Variants in GRID2 observed in about 807,000 individuals in gnomAD.
GRID2 encodes the protein glutamate receptor ionotropic, delta-2.
Under a neutral mutation model 114.8 loss-of-function variants are expected in GRID2, and 33 were observed. The observed-to-expected ratio is 0.29, with a 90% CI of 0.22 to 0.38. The LOEUF is 0.38. Ranked by LOEUF, GRID2 falls within the 10% of genes least tolerant of loss-of-function variation. GRID2 has a pLI of 1.00. For synonymous variants in GRID2, 505 were observed against 449.9 expected, an observed-to-expected ratio of 1.12 and a Z score of -1.55; for missense variants, 1,184 against 1,257.7, an observed-to-expected ratio of 0.94 and a Z score of 0.89.
intron 1 of GRID2, among the ~76,000 whole-genome samples, chr4:92,440,374 G>A (rs1337639010): frequency 6.7e-6 from 1 of 148,950 alleles, no homozygotes; most frequent in African/African-American, 2.4e-5. Context: ...GACTGCGGTG[G>A]CCTTCTCAGA....
At chr4:93,668,392 C>T (rs1724125217) in intron 14 of GRID2, among the ~76,000 whole-genome samples, 1 of 151,688 alleles carries the variant, frequency 6.6e-6, no homozygotes, top group South Asian at 2.1e-4. Flanking sequence ...TGCATTCAGA[C>T]TGTTTGCCCT....
chr4:92,609,239 T>C (rs1194049307), intron 2 of GRID2, among the ~76,000 whole-genome samples: 1 of 151,714 alleles, frequency 6.6e-6, no homozygotes, highest in East Asian at 1.9e-4. Flanking sequence ...TATTTCAGTC[T>C]TGAGAGCCTT....
At chr4:93,447,119 A>G (rs1049339080) in intron 10 of GRID2, among the ~76,000 whole-genome samples, 1 of 151,918 alleles carries the variant, frequency 6.6e-6, no homozygotes, top group Non-Finnish European at 1.5e-5. Flanking sequence ...ACTCTCATAC[A>G]CTGTTCCTAG....
chr4:93,720,308 T>G (rs1355247165), intron 14 of GRID2, among the ~76,000 whole-genome samples: 1 of 152,200 alleles, frequency 6.6e-6, no homozygotes, highest in Non-Finnish European at 1.5e-5. Context: ...ACAATGATTA[T>G]GTAGCAACCA....
rs571375996 is a variant in GRID2, at chr4:92,859,388, A to G, written c.245-225607A>G. ...ATGTTTATATTCACTGGGAAACCAA[A>G]AAATTCATGTAATTCACTTTATTGT... On this transcript the variant is annotated intron_variant, in intron 2 of 15. Transcript: ENST00000282020. Among the ~76,000 whole-genome samples, 37 of 152,314 alleles carry G rather than the reference A, an allele frequency of 2.4e-4. 1 individual carries two copies. The highest frequency in any genetic ancestry group is 8.7e-4 in the African/African-American group (36 of 41,574).
intron 7 of GRID2, among the ~76,000 whole-genome samples, chr4:93,236,753 A>G (rs184754572): frequency 6.6e-5 from 10 of 152,172 alleles, no homozygotes; most frequent in African/African-American, 2.4e-4. Context: ...GTACTAATCA[A>G]TGAAATGTAA....
At chr4:93,386,818 C>T (rs1273809113) in intron 8 of GRID2, among the ~76,000 whole-genome samples, 1 of 152,154 alleles carries the variant, frequency 6.6e-6, no homozygotes, top group Non-Finnish European at 1.5e-5. Context: ...AGGGTACCCA[C>T]TCCTCCCAAC....
At position 93,287,791 on chromosome 4, in the gene GRID2, G is replaced by A. The variant is rs150612957; in HGVS notation, c.1245+49301G>A. 2.4e-3 allele frequency among the ~76,000 whole-genome samples: 365 copies of A among 152,226 alleles called. 10 individuals carry two copies. The East Asian group carries it at 0.046, about 19-fold the overall frequency. On this transcript the variant is annotated intron_variant, in intron 8 of 15. Transcript: ENST00000282020. ...TGTTCACTATATTCACTTGATAATT[G>A]TTCTGATACTGTATTGCCAATTCTG...
chr4:93,763,233 G>A (rs36108466), intron 14 of GRID2, among the ~76,000 whole-genome samples: 46,771 of 151,868 alleles, frequency 0.31, 7,741 homozygotes, highest in Middle Eastern at 0.44. Flanking sequence ...AAAGAGTAAG[G>A]GAAAAGAGAA....
At chr4:92,598,642 T>G (rs1729062832) in intron 2 of GRID2, among the ~76,000 whole-genome samples, 1 of 152,160 alleles carries the variant, frequency 6.6e-6, no homozygotes, top group African/African-American at 2.4e-5. Flanking sequence ...ACACACCTAC[T>G]ATTTCTGAGT....
At chr4:92,758,148 A>G (rs112218700) in intron 2 of GRID2, among the ~76,000 whole-genome samples, 44 of 152,088 alleles carry the variant, frequency 2.9e-4, no homozygotes, top group Non-Finnish European at 1.2e-4. Flanking sequence ...TATTGGAAAA[A>G]AGAGTCTGTT....
intron 8 of GRID2, among the ~76,000 whole-genome samples, chr4:93,239,908 C>T (rs915098720): frequency 7.3e-5 from 11 of 151,604 alleles, no homozygotes; most frequent in African/African-American, 1.9e-4. Context: ...CTCAAGAATG[C>T]GTATATCCTT....
chr4:92,600,050 A>G (rs1160356037), intron 2 of GRID2, among the ~76,000 whole-genome samples: 6,099 of 80,094 alleles, frequency 0.076, 134 homozygotes, highest in South Asian at 0.11. Flanking sequence ...GTGTGTATAT[A>G]TATATATATA....
At chr4:92,708,665 T>C (rs1735066845) in intron 2 of GRID2, among the ~76,000 whole-genome samples, 1 of 152,224 alleles carries the variant, frequency 6.6e-6, no homozygotes, top group Non-Finnish European at 1.5e-5. Context: ...TGATTTTCAG[T>C]TGAATACTTG....
chr4:92,921,730 G>T (rs1301011490), intron 2 of GRID2, among the ~76,000 whole-genome samples: 3 of 152,148 alleles, frequency 2.0e-5, no homozygotes, highest in Admixed American at 2.0e-4. Flanking sequence ...AGGAGTACCT[G>T]GCCGTGTGAG....
chr4:93,788,026 A>T (rs1208757661), intron 1 of GRID2, among the ~76,000 whole-genome samples: 1 of 152,174 alleles, frequency 6.6e-6, no homozygotes, highest in South Asian at 2.1e-4. Flanking sequence ...TTGACAATGT[A>T]ACGCCTAAGG....
intron 2 of GRID2, among the ~76,000 whole-genome samples, chr4:92,715,395 G>T (rs761732896): frequency 2.6e-5 from 4 of 151,988 alleles, no homozygotes; most frequent in Admixed American, 6.6e-5. Context: ...CCCTCCAAAC[G>T]GTTCTAACTT....
intron 2 of GRID2, among the ~76,000 whole-genome samples, chr4:92,919,305 C>T (rs1046232408): frequency 6.6e-6 from 1 of 152,038 alleles, no homozygotes; most frequent in Non-Finnish European, 1.5e-5. Context: ...AAAACCAGCT[C>T]CTGGATTCAT....
At chr4:93,573,667 A>G (rs1485982120) in intron 13 of GRID2, among the ~76,000 whole-genome samples, 1 of 152,032 alleles carries the variant, frequency 6.6e-6, no homozygotes, top group Non-Finnish European at 1.5e-5. Flanking sequence ...ATCCCCCTTT[A>G]CATAATTTTT....
Sources: allele counts gnomAD v4.1 joint callset (sites outside exome capture counted in the v4.1 genomes callset), GRCh38; gene constraint gnomAD v4.1.1; transcripts MANE v1.5; gene names NCBI Gene and HGNC (gene_info 2026-07-23, HGNC 2026-07-21).